BCAS3: variants seen among roughly 807,000 people sequenced by gnomAD.
BCAS3 encodes the protein BCAS4/BCAS3 fusion.
BCAS3 carries 53 observed loss-of-function variants against 116.1 expected under a neutral mutation model. The ratio of observed to expected loss-of-function variants is 0.46; its 90% CI spans 0.37 to 0.57. The LOEUF is 0.57. BCAS3 is among the 20% of genes least tolerant of loss of function. The pLI, the probability that BCAS3 is intolerant of heterozygous loss-of-function variation, is 0.00. For synonymous variants in BCAS3, 391 were observed against 408.2 expected, an observed-to-expected ratio of 0.96 and a Z score of 0.51; for missense variants, 917 against 1,165.4, an observed-to-expected ratio of 0.79 and a Z score of 3.10.
chr17:60,888,394 A>T (rs751658577), intron 9 of BCAS3, among the ~76,000 whole-genome samples: 1 of 152,078 alleles, frequency 6.6e-6, no homozygotes, highest in Admixed American at 6.6e-5. Context: ...ACTTGGTTCT[A>T]TTTTTCATGA....
At chr17:60,891,009 T>G (rs1358760540) in intron 10 of BCAS3, among the ~76,000 whole-genome samples, 1 of 152,228 alleles carries the variant, frequency 6.6e-6, no homozygotes, top group Non-Finnish European at 1.5e-5. Context: ...AACTACTAGA[T>G]ATGTTACATC....
chr17:60,683,369 C>G (rs2033477256), intron 2 of BCAS3, among the ~76,000 whole-genome samples: 1 of 152,026 alleles, frequency 6.6e-6, no homozygotes, highest in Non-Finnish European at 1.5e-5. Context: ...CTATCTCTAT[C>G]AAATTAGGAG....
intron 7 of BCAS3, among the ~76,000 whole-genome samples, chr17:60,847,368 G>A (rs1411804562): frequency 6.6e-6 from 1 of 152,078 alleles, no homozygotes; most frequent in East Asian, 1.9e-4. Context: ...TTGCTGGGTC[G>A]TATGATAATT....
In BCAS3 at chr17:60,994,124, A is replaced by G. The variant is rs1172065369; in HGVS notation, c.1486+3889A>G. Reference sequence around the variant, plus strand: ...GACAAAAACATTAACAGTGCTTGTGACACTGTTACCAATAGAAAATGCAGA... The same window carrying G: ...GACAAAAACATTAACAGTGCTTGTGGCACTGTTACCAATAGAAAATGCAGA... On this transcript the variant is annotated intron_variant, in intron 15 of 23. Transcript: ENST00000407086. This position sits in a 1 kb window ranked among gnomAD's most constrained non-coding sequence, Gnocchi z 4.4. 6.6e-6 allele frequency among the ~76,000 whole-genome samples: 1 copy of G among 152,072 alleles called. No homozygotes were observed. Among genetic ancestry groups the G allele is most frequent in the African/African-American group, 2.4e-5 (1 of 41,416 alleles).
In BCAS3 at chr17:61,211,022, G is replaced by A. The variant is rs1289211321; in HGVS notation, c.2425+126458G>A. Among the ~76,000 whole-genome samples the A allele has an allele frequency of 6.6e-6, 1 of 152,028 alleles. No individual in the cohort carries two copies. The highest frequency in any genetic ancestry group is 1.5e-5 in the Non-Finnish European group (1 of 68,016). ...ATGAGCCAAAGGCTTCCCTAAGCTAGGGTCCCATAGTCTTCCCCAAGCTAG... is the reference window on the plus strand; with the variant it reads ...ATGAGCCAAAGGCTTCCCTAAGCTAAGGTCCCATAGTCTTCCCCAAGCTAG... On this transcript the variant is annotated intron_variant, in intron 22 of 23. Coordinates refer to ENST00000407086, the MANE Select transcript of BCAS3 (RefSeq NM_017679.5). The surrounding 1 kb of genome is among the most constrained non-coding windows in gnomAD (Gnocchi z 4.4).
intron 4 of BCAS3, among the ~76,000 whole-genome samples, chr17:60,704,397 C>A (rs549684470): frequency 6.6e-6 from 1 of 152,128 alleles, no homozygotes; most frequent in Non-Finnish European, 1.5e-5. Flanking sequence ...AACCCCTGAG[C>A]CTTGGAGGGA....
rs558459812 is a variant in BCAS3 at position 61,300,555 on chromosome 17, AAAAAGAAAAG to A, written c.2426-67757_2426-67748del. Among the ~76,000 whole-genome samples, 39 of 152,260 alleles carry A rather than the reference AAAAAGAAAAG, an allele frequency of 2.6e-4. No individual in the cohort carries two copies. The East Asian group carries it at 2.9e-3, about 11-fold the overall frequency. On this transcript the variant is annotated intron_variant, in intron 22 of 23. Coordinates refer to ENST00000407086, the MANE Select transcript of BCAS3 (RefSeq NM_017679.5). The surrounding 1 kb of genome is among the most constrained non-coding windows in gnomAD (Gnocchi z 5.1). ...CATCTTGACGCAGTGTTCCTGGCCA[AAAAAGAAAAG>A]AAAAGAAAAGAAAAATGTATGGCAG...
At chr17:60,912,420 T>C (rs2058563174) in intron 12 of BCAS3, among the ~76,000 whole-genome samples, 1 of 152,184 alleles carries the variant, frequency 6.6e-6, no homozygotes, top group Non-Finnish European at 1.5e-5. Context: ...TGGCAGCTAC[T>C]TATATGCTAG....
chr17:60,941,606 A>C lies in BCAS3; in HGVS notation c.1088-5613A>C, dbSNP rs1451647250. Among the ~76,000 whole-genome samples the C allele has an allele frequency of 2.6e-5, 4 of 152,300 alleles. No individual in the cohort carries two copies. In the East Asian group the frequency reaches 7.7e-4, roughly 29 times the overall value. ...AAGTAAACTTACTGGTGGATTGTAG[A>C]AGCCACATTTGCATGGAGGGGTGGA... On this transcript the variant is annotated intron_variant, in intron 13 of 23. Coordinates refer to ENST00000407086, the MANE Select transcript of BCAS3 (RefSeq NM_017679.5).
chr17:60,749,391 G>T (rs1179018238), intron 6 of BCAS3, among the ~76,000 whole-genome samples: 1 of 152,134 alleles, frequency 6.6e-6, no homozygotes, highest in Admixed American at 6.5e-5. Flanking sequence ...TGTTGGCTTT[G>T]TTCCCAATGT....
Position 61,347,931 on chromosome 17 carries a change from A to G in BCAS3, c.2426-20396A>G, listed in dbSNP as rs1005526204. The stretch of plus-strand genomic sequence containing the variant: ...AGTCTGGAAAGCTGCTAGAGGCCAG[A>G]TGATAGACAGTTGTGCTAAGAAGAT... On this transcript the variant is annotated intron_variant, in intron 22 of 23. Transcript: ENST00000407086. This position sits in a 1 kb window ranked among gnomAD's most constrained non-coding sequence, Gnocchi z 4.3. Among the ~76,000 whole-genome samples the G allele has an allele frequency of 6.6e-6, 1 of 152,264 alleles. No homozygotes were observed. The highest frequency in any genetic ancestry group is 1.5e-5 in the Non-Finnish European group (1 of 68,042).
At chr17:61,061,132 A>G (rs1042304881) in intron 19 of BCAS3, among the ~76,000 whole-genome samples, 1 of 152,198 alleles carries the variant, frequency 6.6e-6, no homozygotes, top group Admixed American at 6.5e-5. Context: ...AAGATTTTAG[A>G]TTATTTTCCT....
At chr17:61,062,417 C>T (rs2070152922) in intron 19 of BCAS3, among the ~76,000 whole-genome samples, 1 of 152,146 alleles carries the variant, frequency 6.6e-6, no homozygotes. Flanking sequence ...AGTTGTTATT[C>T]ACAAGCTATA....
At position 60,874,711 on chromosome 17, in the gene BCAS3, A is replaced by C; in HGVS notation, c.634A>C (p.Thr212Pro). 6.2e-7 allele frequency: 1 copy of C among 1,611,586 alleles called. No homozygotes were observed. The highest frequency in any genetic ancestry group is 8.5e-7 in the Non-Finnish European group (1 of 1,178,798). The change falls in exon 9 of 24, where the codon ACT becomes CCT. Residue 212 changes from threonine to proline, a missense_variant. Thr to Pro is a conservative substitution (Grantham distance 38, BLOSUM62 -1). Transcript: ENST00000407086. ...QEKIAAFDSC[T>P]FTKKFFVTSC... ...GAAAATTGCTGCCTTTGATAGCTGT[A>C]CTTTCACGAAGAAATTCTTTGTTAC... is the stretch of plus-strand genomic sequence containing the variant.
At chr17:60,868,049 A>T (rs1276600693) in intron 7 of BCAS3, among the ~76,000 whole-genome samples, 3 of 142,478 alleles carry the variant, frequency 2.1e-5, no homozygotes, top group African/African-American at 7.8e-5. Flanking sequence ...TTTGAGACGG[A>T]TTCTTGCTCT....
At chr17:61,179,479 T>C (rs1245578101) in intron 22 of BCAS3, among the ~76,000 whole-genome samples, 1 of 152,142 alleles carries the variant, frequency 6.6e-6, no homozygotes, top group African/African-American at 2.4e-5. Context: ...CAGGCCTGCC[T>C]TTGAGGCCCA....
chr17:60,801,094 A>C (rs990071152), intron 6 of BCAS3, among the ~76,000 whole-genome samples: 1 of 152,170 alleles, frequency 6.6e-6, no homozygotes, highest in African/African-American at 2.4e-5. Flanking sequence ...TAATTGCAAA[A>C]AAATCTTGCT....
chr17:60,922,791 TTTGGGG>T (rs1174234329), intron 12 of BCAS3, among the ~76,000 whole-genome samples: 1 of 152,106 alleles, frequency 6.6e-6, no homozygotes, highest in African/African-American at 2.4e-5. Context: ...CAAAATTCGA[TTTGGGG>T]AATCTCCAAA....
intron 22 of BCAS3, among the ~76,000 whole-genome samples, chr17:61,287,104 C>T (rs983423903): frequency 1.8e-4 from 27 of 152,016 alleles, no homozygotes; most frequent in South Asian, 1.2e-3. Context: ...AAAAATTAGC[C>T]GGGCGTGGTG....
Sources: gnomAD v4.1 joint callset for allele counts (sites outside exome capture counted in the v4.1 genomes callset) on GRCh38, gnomAD v4.1.1 for gene constraint, Gnocchi (gnomAD v3.1) non-coding constraint, MANE v1.5 for transcripts, NCBI Gene and HGNC (gene_info 2026-07-23, HGNC 2026-07-21) for gene names.